CUL4B: variants seen among roughly 807,000 people sequenced by gnomAD.
CUL4B encodes cullin-4B.
CUL4B carries 1 observed loss-of-function variant against 69.2 expected under a neutral mutation model. The observed-to-expected ratio is 0.01, with a 90% CI of 0.01 to 0.07. The LOEUF (loss-of-function observed/expected upper bound fraction) is 0.07. Among genes scored for constraint, CUL4B ranks in the 10% least tolerant of loss-of-function variants. The pLI is 1.00. For missense variants in CUL4B, 328 were observed against 638.8 expected, an observed-to-expected ratio of 0.51 and a Z score of 5.24; for synonymous variants, 237 against 223.2, an observed-to-expected ratio of 1.06 and a Z score of -0.55.
At chrX:120,564,303 AAAACAAAC>A (rs898417665), upstream of CUL4B, among the ~76,000 whole-genome samples, 1 of 111,445 alleles carries the variant, frequency 9.0e-6, no homozygotes, top group African/African-American at 3.3e-5. Flanking sequence ...CTTGTTACAA[AAAACAAAC>A]AAACAAACAA....
chrX:120,538,063 T>C, intron 14 of CUL4B, 61 bp downstream of exon 14: 1 of 796,071 alleles, frequency 1.3e-6, no homozygotes, highest in South Asian at 2.1e-5. Context: ...GTACAAATCA[T>C]AGCAAGCAGA....
At position 120,537,703 on chromosome X, in the gene CUL4B, T is replaced by C. The variant is rs181089125; in HGVS notation, c.1938+421A>G. Among the ~76,000 whole-genome samples, 130 of 111,754 alleles carry C rather than the reference T, an allele frequency of 1.2e-3. 1 individual carries two copies. In the East Asian group the frequency reaches 0.035, roughly 30 times the overall value. ...ATGATCTTAAACATTTCAAAACTAC[T>C]TTCTACCTACATCTTCAAAACTGTG... is the stretch of plus-strand genomic sequence containing the variant. On this transcript the variant is annotated intron_variant, in intron 14 of 19. Transcript: ENST00000371322.
intron 17 of CUL4B, among the ~76,000 whole-genome samples, chrX:120,534,206 C>CA (rs1188314824): frequency 1.9e-3 from 195 of 104,361 alleles, no homozygotes; most frequent in African/African-American, 6.4e-3. Flanking sequence ...CCTGTCTCTA[C>CA]AAAAAAAAAT....
At chrX:120,545,633 A>T in intron 4 of CUL4B, 116 bp from the exon 5 acceptor site, 1 of 510,173 alleles carries the variant, frequency 2.0e-6, no homozygotes. Context: ...CATTACTAAG[A>T]TCAAACATGC....
chrX:120,537,032 A>G lies in CUL4B; in HGVS notation c.1941T>C (p.Tyr647=). ...SKDIMIQFKQ[Y]MQNQNVPGNI... Reference sequence around the variant, plus strand: ...TTCCCGGAACATTCTGATTCTGCATATACTATAAGAAGATCAAAACACACA... The same window carrying G: ...TTCCCGGAACATTCTGATTCTGCATGTACTATAAGAAGATCAAAACACACA... The change falls in exon 15 of 20, where the codon TAT becomes TAC. Residue 647 remains tyrosine (Y), a splice_region_variant and synonymous_variant. Coordinates refer to ENST00000371322, the MANE Select transcript of CUL4B (RefSeq NM_001079872.2). The G allele has an allele frequency of 8.8e-7, 1 of 1,141,948 alleles. No individual in the cohort carries two copies. Among genetic ancestry groups the G allele is most frequent in the South Asian group, 1.8e-5 (1 of 55,404 alleles). The allele number at this position is 1,141,948 out of a possible 1,213,427, so 94.1% of individuals were successfully genotyped here.
At chrX:120,559,807 TGTCA>T (rs1342372221) in intron 1 of CUL4B, 1 of 1,098,941 alleles carries the variant, frequency 9.1e-7, no homozygotes, top group East Asian at 4.1e-5. Context: ...TCATACCGAT[TGTCA>T]GTGTTATAAG....
At chrX:120,549,955 T>G (rs1191732430) in intron 2 of CUL4B, among the ~76,000 whole-genome samples, 4 of 111,950 alleles carry the variant, frequency 3.6e-5, no homozygotes, top group Non-Finnish European at 7.5e-5. Context: ...CTTCTCTAAG[T>G]CCTATTTATC....
At chrX:120,574,219 AT>A (rs1167540095) in intron 2 of CUL4B, among the ~76,000 whole-genome samples, 5 of 98,226 alleles carry the variant, frequency 5.1e-5, no homozygotes, top group Admixed American at 1.1e-4. Flanking sequence ...TGTTAACAAT[AT>A]TTTTTTTTTG....
At chrX:120,567,118 A>ATT (rs72483160), downstream of CUL4B, among the ~76,000 whole-genome samples, 887 of 55,230 alleles carry the variant, frequency 0.016, 16 homozygotes, top group Non-Finnish European at 0.024. Context: ...GCCAATTTAG[A>ATT]TTTTTTTTTT....
Position 120,530,159 on chromosome X carries a change from T to A in CUL4B, c.2535A>T (p.Thr845=). ...AIVRIMKMRK[T]LSHNLLVSEV... ...CTGAAACAAGGAGATTGTGGCTAAGTGTCTTTCTCATCTTCATAATTCGAA... is the reference window on the plus strand; with the variant it reads ...CTGAAACAAGGAGATTGTGGCTAAGAGTCTTTCTCATCTTCATAATTCGAA... Residue 845 remains threonine (T), a synonymous_variant, in exon 19 of 20, where the codon ACA becomes ACT. Transcript: ENST00000371322. 2.5e-6 allele frequency: 3 copies of A among 1,209,903 alleles called. No homozygotes were observed. Among genetic ancestry groups the A allele is most frequent in the Non-Finnish European group, 3.4e-6 (3 of 893,836 alleles).
In CUL4B at chrX:120,559,945, A is replaced by AC. The variant is rs907069565; in HGVS notation, c.556+137dup. The AC allele has an allele frequency of 8.0e-6, 9 of 1,119,851 alleles. No individual in the cohort carries two copies. In the Admixed American group the frequency reaches 2.3e-4, roughly 28 times the overall value. The allele number at this position is 1,119,851 out of a possible 1,213,427, so 92.3% of individuals were successfully genotyped here. A position where few individuals can be genotyped will look rare whatever the true frequency, so the allele number is the denominator to read the frequency against. ...AAAATGAACCCTCCACCAAAAAAGG[A>AC]CCTCCCCTCCACCTCATTGATTATG... On this transcript the variant is annotated intron_variant, in intron 1 of 19. Transcript: ENST00000371322.
Position 120,573,444 on chromosome X carries a change from G to A in CUL4B, c.67+1107C>T, listed in dbSNP as rs763939325. 5.4e-5 allele frequency among the ~76,000 whole-genome samples: 6 copies of A among 111,878 alleles called. No homozygotes were observed. The South Asian group carries it at 2.2e-3, about 41-fold the overall frequency. ...ATCCTTGTAACATAAATCTGTGCAT[G>A]TATAAAAGTATTTCTGAGGATATAT... On this transcript the variant is annotated intron_variant, in intron 2 of 2. Transcript: ENST00000486604.
intron 17 of CUL4B, among the ~76,000 whole-genome samples, chrX:120,533,864 G>A (rs889609014): frequency 3.3e-4 from 36 of 110,432 alleles, no homozygotes; most frequent in African/African-American, 1.2e-3. Flanking sequence ...TCAGGAGTTC[G>A]AGACCAGCCT....
In CUL4B at chrX:120,546,634, G is replaced by A. The variant is rs1051770635; in HGVS notation, c.777-18C>T. 2.7e-6 allele frequency: 3 copies of A among 1,127,066 alleles called. No homozygotes were observed. The highest frequency in any genetic ancestry group is 2.2e-5 in the Admixed American group (1 of 45,566). 92.9% of individuals were successfully genotyped at this position (1,127,066 alleles called of 1,213,427 possible). On this transcript the variant is annotated intron_variant, in intron 3 of 19. Coordinates refer to ENST00000371322, the MANE Select transcript of CUL4B (RefSeq NM_001079872.2). ...ATGAATCCCTGAAACATATGTTAAG[G>A]ATATTTTAAAGCGTTTGGTACAAGT...
chrX:120,546,289 G>A (rs2147336333), intron 4 of CUL4B, among the ~76,000 whole-genome samples: 1 of 109,967 alleles, frequency 9.1e-6, no homozygotes, highest in South Asian at 3.9e-4. Context: ...ATACTGCTCT[G>A]GTGAAGGGTG....
upstream of CUL4B, chrX:120,561,170 C>G: frequency 1.3e-6 from 1 of 765,209 alleles, no homozygotes; most frequent in Non-Finnish European, 1.8e-6. Flanking sequence ...TGCAGCCGCC[C>G]GGGGGGCGGG....
chrX:120,543,680 G>C (rs144648119), intron 8 of CUL4B, 47 bp downstream of exon 8: 2 of 925,152 alleles, frequency 2.2e-6, no homozygotes, highest in South Asian at 3.9e-5. Flanking sequence ...TGCTGCAAGT[G>C]ATTTAACGAC....
chrX:120,527,062 C>CTT (rs918835696), intron 19 of CUL4B, among the ~76,000 whole-genome samples: 6 of 100,846 alleles, frequency 5.9e-5, no homozygotes, highest in Non-Finnish European at 1.0e-4. Flanking sequence ...GTTGAAGATT[C>CTT]TTTTTTTTTT....
At position 120,560,749 on chromosome X, in the gene CUL4B, G is replaced by T; in HGVS notation, c.-111C>A. On this transcript the variant is annotated 5_prime_UTR_variant, in exon 1 of 20. Transcript: ENST00000371322. The stretch of plus-strand genomic sequence containing the variant: ...TAGAGGGGGAAGGGAAGAAAGAAGA[G>T]AGGAGAAACACAGAGGACGAGAAGG... The T allele has an allele frequency of 1.1e-6, 1 of 902,136 alleles. No homozygotes were observed. Among genetic ancestry groups the T allele is most frequent in the Non-Finnish European group, 1.4e-6 (1 of 713,441 alleles). 74.3% of individuals were successfully genotyped at this position (902,136 alleles called of 1,213,427 possible).
Sources: allele counts gnomAD v4.1 joint callset (sites outside exome capture counted in the v4.1 genomes callset), GRCh38; gene constraint gnomAD v4.1.1; transcripts MANE v1.5; gene names NCBI Gene and HGNC (gene_info 2026-07-23, HGNC 2026-07-21).